GPR39: variants seen among roughly 807,000 people sequenced by gnomAD.
The protein encoded by GPR39 is G protein-coupled receptor 39, also known as zinc sensing receptor.
A neutral mutation model predicts 18.4 loss-of-function variants in GPR39; 23 were observed. The ratio of observed to expected loss-of-function variants is 1.25; its 90% CI spans 0.90 to 1.77. The LOEUF is 1.77. Among genes scored for constraint, GPR39 ranks in the 40% most tolerant of loss-of-function variants. The pLI is 0.00. For missense variants in GPR39, 647 were observed against 602.4 expected (o/e 1.07, Z -0.78); for synonymous variants, 280 against 257.9 (o/e 1.09, Z -0.82).
intron 1 of GPR39, among the ~76,000 whole-genome samples, chr2:132,463,542 C>G (rs1457894747): frequency 1.3e-5 from 2 of 150,556 alleles, no homozygotes; most frequent in Non-Finnish European, 1.5e-5. Flanking sequence ...CGATTTTGGT[C>G]TAGAGTCAGG....
At chr2:132,444,983 G>T (rs992221303) in intron 1 of GPR39, among the ~76,000 whole-genome samples, 1 of 152,190 alleles carries the variant, frequency 6.6e-6, no homozygotes, top group Non-Finnish European at 1.5e-5. Flanking sequence ...GATAAGATCT[G>T]TGTACAGATC....
At chr2:132,457,476 T>G (rs2104774836) in intron 1 of GPR39, among the ~76,000 whole-genome samples, 1 of 152,314 alleles carries the variant, frequency 6.6e-6, no homozygotes, top group Non-Finnish European at 1.5e-5. Flanking sequence ...TGAAGCCTAC[T>G]TCTGTTAACT....
At position 132,417,384 on chromosome 2, in the gene GPR39, C is replaced by T. The variant is rs765431821; in HGVS notation, c.342C>T (p.Leu114=). The T allele has an allele frequency of 6.2e-7, 1 of 1,614,220 alleles. No individual in the cohort carries two copies. The highest frequency in any genetic ancestry group is 1.1e-5 in the South Asian group (1 of 91,084). The stretch of plus-strand genomic sequence containing the variant: ...TGTCCTGCAAGCTGCACACTTTCCT[C>T]TTCGAGGCCTGCAGCTACGCTACGC... ...YTLSCKLHTF[L]FEACSYATLL... The change falls in exon 1 of 2, where the codon CTC becomes CTT. Residue 114 remains leucine, a synonymous_variant. Coordinates refer to ENST00000329321, the MANE Select transcript of GPR39 (RefSeq NM_001508.3).
chr2:132,460,433 AAGG>A (rs1393309300), intron 1 of GPR39, among the ~76,000 whole-genome samples: 1 of 152,190 alleles, frequency 6.6e-6, no homozygotes, highest in Non-Finnish European at 1.5e-5. Flanking sequence ...TGTAGAAAAA[AAGG>A]AGTCATTGGA....
intron 1 of GPR39, among the ~76,000 whole-genome samples, chr2:132,603,429 G>A (rs958726968): frequency 1.3e-5 from 2 of 152,132 alleles, no homozygotes; most frequent in Non-Finnish European, 2.9e-5. Context: ...TACAGCTAGA[G>A]AGGAGGTATG....
chr2:132,490,742 A>G (rs1482057831), intron 1 of GPR39, among the ~76,000 whole-genome samples: 1 of 150,510 alleles, frequency 6.6e-6, no homozygotes, highest in Non-Finnish European at 1.5e-5. Flanking sequence ...GTAGGGTTTC[A>G]AGGGACTGAG....
intron 1 of GPR39, among the ~76,000 whole-genome samples, chr2:132,564,800 TTTC>T (rs1364473789): frequency 1.4e-5 from 2 of 138,084 alleles, no homozygotes; most frequent in Non-Finnish European, 3.1e-5. Context: ...TAACTATTTT[TTTC>T]TTTTTTCTTT....
In GPR39 at chr2:132,595,445, C is replaced by T. The variant is rs555611340; in HGVS notation, c.857-49656C>T. On this transcript the variant is annotated intron_variant, in intron 1 of 1. Transcript: ENST00000329321. ...AAGTGGGAAATGAGTTCGCTGTCTT[C>T]GAAGTTGTAACCTACAAGTCCTTGT... 1.9e-4 allele frequency among the ~76,000 whole-genome samples: 29 copies of T among 152,126 alleles called. 1 individual carries two copies. The South Asian group carries it at 5.6e-3, about 29-fold the overall frequency.
Position 132,559,613 on chromosome 2 carries a change from G to A in GPR39, c.857-85488G>A, listed in dbSNP as rs569897653. ...CTCTCCCGGCCAGGTCTTGGGAGTAGTCAGAGAGGAGCTAACATTGACACA... is the reference window on the plus strand; with the variant it reads ...CTCTCCCGGCCAGGTCTTGGGAGTAATCAGAGAGGAGCTAACATTGACACA... On this transcript the variant is annotated intron_variant, in intron 1 of 1. Transcript: ENST00000329321. Among the ~76,000 whole-genome samples the A allele has an allele frequency of 1.7e-3, 257 of 152,218 alleles. 2 individuals carry two copies. Among genetic ancestry groups the A allele is most frequent in the Non-Finnish European group, 2.6e-3 (176 of 68,018 alleles).
At chr2:132,551,718 A>C (rs748176393) in intron 1 of GPR39, among the ~76,000 whole-genome samples, 2 of 152,236 alleles carry the variant, frequency 1.3e-5, no homozygotes, top group African/African-American at 2.4e-5. Context: ...GTTTACCTGC[A>C]CTATATTTCA....
intron 1 of GPR39, among the ~76,000 whole-genome samples, chr2:132,642,812 T>G (rs1051707024): frequency 1.3e-5 from 2 of 152,194 alleles, no homozygotes; most frequent in Admixed American, 1.3e-4. Flanking sequence ...ATTTCCATAT[T>G]CTGGGCAATA....
intron 1 of GPR39, among the ~76,000 whole-genome samples, chr2:132,457,484 A>T (rs113938365): frequency 6.6e-6 from 1 of 152,106 alleles, no homozygotes; most frequent in Non-Finnish European, 1.5e-5. Context: ...ACTTCTGTTA[A>T]CTCATCAAAG....
At chr2:132,584,868 C>A (rs1454454237) in intron 1 of GPR39, among the ~76,000 whole-genome samples, 2 of 152,144 alleles carry the variant, frequency 1.3e-5, no homozygotes, top group Admixed American at 6.5e-5. Context: ...CCTACAAAAT[C>A]TTGTTTATGG....
chr2:132,437,952 T>C (rs1323255272), intron 1 of GPR39, among the ~76,000 whole-genome samples: 1 of 152,202 alleles, frequency 6.6e-6, no homozygotes, highest in Non-Finnish European at 1.5e-5. Flanking sequence ...TCCTGGCTAG[T>C]GAAACTGTTT....
chr2:132,548,172 A>C (rs775003120), intron 1 of GPR39, among the ~76,000 whole-genome samples: 2 of 152,162 alleles, frequency 1.3e-5, no homozygotes, highest in Non-Finnish European at 2.9e-5. Context: ...TAGTCTGGCA[A>C]ATATTTCAAT....
chr2:132,593,697 AT>A (rs201140624), intron 1 of GPR39, among the ~76,000 whole-genome samples: 6 of 150,450 alleles, frequency 4.0e-5, no homozygotes, highest in East Asian at 3.9e-4. Context: ...GTTTGATGTG[AT>A]TTTTTTTTTC....
At chr2:132,643,940 T>C (rs1427833514) in intron 1 of GPR39, among the ~76,000 whole-genome samples, 1 of 152,256 alleles carries the variant, frequency 6.6e-6, no homozygotes, top group Admixed American at 6.5e-5. Flanking sequence ...TGTTTCTTAC[T>C]ACGATTGAAA....
chr2:132,496,757 G>A (rs1359717003), intron 1 of GPR39, among the ~76,000 whole-genome samples: 1 of 152,182 alleles, frequency 6.6e-6, no homozygotes, highest in Non-Finnish European at 1.5e-5. Flanking sequence ...GTGCAGTGCT[G>A]GGCTGCTGGC....
At chr2:132,541,951 A>G (rs780996552) in intron 1 of GPR39, among the ~76,000 whole-genome samples, 6 of 152,170 alleles carry the variant, frequency 3.9e-5, no homozygotes, top group African/African-American at 9.7e-5. Flanking sequence ...GAGGGACACA[A>G]TTCATAGATG....
Sources: gnomAD v4.1 joint callset for allele counts (sites outside exome capture counted in the v4.1 genomes callset) on GRCh38, gnomAD v4.1.1 for gene constraint, MANE v1.5 for transcripts, NCBI Gene and HGNC (gene_info 2026-07-23, HGNC 2026-07-21) for gene names.